RPGRIP1: variants seen among roughly 807,000 people sequenced by gnomAD.
RPGRIP1 encodes the protein X-linked retinitis pigmentosa GTPase regulator-interacting protein 1.
A neutral mutation model predicts 157.9 loss-of-function variants in RPGRIP1; 128 were observed. That is an observed-to-expected ratio of 0.81 (90% CI 0.70 to 0.94). The LOEUF is 0.94. Among genes scored for constraint, RPGRIP1 ranks in the 40% least tolerant of loss-of-function variants. The probability of loss-of-function intolerance (pLI) is 0.00; values close to 1 mark genes in which losing one functional copy is unlikely to be tolerated. For synonymous variants in RPGRIP1, 554 were observed against 571.6 expected (o/e 0.97, Z 0.44); for missense variants, 1,486 against 1,545.8 (o/e 0.96, Z 0.65).
chr14:21,288,382 T>C (rs1183475842), intron 2 of RPGRIP1, among the ~76,000 whole-genome samples: 1 of 152,074 alleles, frequency 6.6e-6, no homozygotes, highest in Non-Finnish European at 1.5e-5. Context: ...GTTTTCACCA[T>C]GATGGCCAGG....
At chr14:21,306,777 T>C (rs563787220) in intron 6 of RPGRIP1, among the ~76,000 whole-genome samples, 2 of 149,726 alleles carry the variant, frequency 1.3e-5, no homozygotes, top group Non-Finnish European at 3.0e-5. Context: ...TTATTATTAT[T>C]ATTATCATTA....
chr14:21,305,038 G>A (rs1198284654), intron 6 of RPGRIP1, among the ~76,000 whole-genome samples: 1 of 152,138 alleles, frequency 6.6e-6, no homozygotes, highest in Non-Finnish European at 1.5e-5. Context: ...TCCTGACCTC[G>A]TAATCCGCCT....
rs764678956 is a variant in RPGRIP1, at chr14:21,307,733, C to A, written c.803C>A (p.Ala268Asp). The A allele has an allele frequency of 1.0e-5, 16 of 1,549,414 alleles. No homozygotes were observed. Among genetic ancestry groups the A allele is most frequent in the Non-Finnish European group, 1.4e-5 (16 of 1,141,506 alleles). The change falls in exon 7 of 25, where the codon GCT (alanine) becomes GAT (aspartate). Residue 268 changes from alanine to aspartate, a missense_variant and splice_region_variant. Ala to Asp is a moderately radical substitution (Grantham distance 126). Coordinates refer to ENST00000400017, the MANE Select transcript of RPGRIP1 (RefSeq NM_020366.4). ...ECAQKAAELR[A>D]SIKEKVELIR... ...TAATTTAGCGCCTTTCTCTGCAGAG[C>A]TTCCATTAAAGAGAAGGTAGAGCTG...
chr14:21,349,921 T>A (rs1019410144), intron 24 of RPGRIP1, among the ~76,000 whole-genome samples: 2 of 152,228 alleles, frequency 1.3e-5, no homozygotes, highest in Non-Finnish European at 2.9e-5. Context: ...ATAGCTGGGA[T>A]GTCACCTATC....
At chr14:21,329,875 TG>T (rs1325906938) in intron 19 of RPGRIP1, among the ~76,000 whole-genome samples, 1 of 151,020 alleles carries the variant, frequency 6.6e-6, no homozygotes, top group Non-Finnish European at 1.5e-5. Flanking sequence ...CCTAGCACTT[TG>T]GGAGGCTGAG....
intron 1 of RPGRIP1, among the ~76,000 whole-genome samples, chr14:21,282,802 G>T (rs1360940499): frequency 6.6e-6 from 1 of 151,594 alleles, no homozygotes; most frequent in Non-Finnish European, 1.5e-5. Flanking sequence ...AGTAGAGATG[G>T]AGTTTCACCA....
chr14:21,284,560 T>TG (rs10678419), intron 1 of RPGRIP1, among the ~76,000 whole-genome samples: 1 of 150,820 alleles, frequency 6.6e-6, no homozygotes, highest in Non-Finnish European at 1.5e-5. Context: ...TTTTTTTTTT[T>TG]GAAGATGGAA....
At chr14:21,291,173 C>A (rs1880513163) in intron 2 of RPGRIP1, among the ~76,000 whole-genome samples, 1 of 151,984 alleles carries the variant, frequency 6.6e-6, no homozygotes, top group Non-Finnish European at 1.5e-5. Context: ...GCCAGTTTTG[C>A]CAATTTTTAA....
intron 21 of RPGRIP1, among the ~76,000 whole-genome samples, chr14:21,335,046 C>CAAAAAAAAAAAAAA (rs869065591): frequency 3.6e-5 from 1 of 28,062 alleles, no homozygotes. Context: ...AACTCTGTCT[C>CAAAAAAAAAAAAAA]AAAAAAAAAA....
At chr14:21,304,128 C>T (rs762428976) in intron 6 of RPGRIP1, among the ~76,000 whole-genome samples, 1 of 151,446 alleles carries the variant, frequency 6.6e-6, no homozygotes, top group Non-Finnish European at 1.5e-5. Flanking sequence ...GCCTGGCCAA[C>T]GTGGTGAAAC....
chr14:21,339,902 A>G (rs1370291261), intron 21 of RPGRIP1, among the ~76,000 whole-genome samples: 2 of 152,222 alleles, frequency 1.3e-5, no homozygotes, highest in Non-Finnish European at 2.9e-5. Flanking sequence ...TATGTACATC[A>G]GTGAGCAAAT....
Position 21,310,602 on chromosome 14 carries a change from C to A in RPGRIP1, c.925C>A (p.Gln309Lys). The A allele has an allele frequency of 1.4e-6, 2 of 1,459,326 alleles. No homozygotes were observed. The highest frequency in any genetic ancestry group is 2.3e-5 in the Admixed American group (1 of 42,634). The allele number at this position is 1,459,326 out of a possible 1,614,324, so 90.4% of individuals were successfully genotyped here. The part of the protein sequence containing the change: ...EVQEAYETLL[Q>K]KNQGILSAAH... ...CTTCCAGGCATACGAAACCTTGCTC[C>A]AGAAGGTACTTAATGAGAATTGAGT... The change falls in exon 8 of 25, where the codon CAG (glutamine) becomes AAG (lysine). Residue 309 changes from glutamine to lysine, a missense_variant. Gln to Lys is a moderately conservative substitution (Grantham distance 53, BLOSUM62 1). Coordinates refer to ENST00000400017, the MANE Select transcript of RPGRIP1 (RefSeq NM_020366.4).
chr14:21,316,405 C>T (rs1197606024), intron 10 of RPGRIP1, among the ~76,000 whole-genome samples: 1 of 152,062 alleles, frequency 6.6e-6, no homozygotes, highest in Admixed American at 6.6e-5. Context: ...AACCATCCAG[C>T]CTGGCCGGTA....
chr14:21,312,405 T>C, intron 9 of RPGRIP1, 28 bp from the exon 10 acceptor site: 1 of 1,539,496 alleles, frequency 6.5e-7, no homozygotes, highest in Non-Finnish European at 8.9e-7. Flanking sequence ...TTTTAACATT[T>C]TATCTCAAGG....
At chr14:21,285,230 C>G (rs1339380629) in intron 1 of RPGRIP1, among the ~76,000 whole-genome samples, 3 of 151,854 alleles carry the variant, frequency 2.0e-5, no homozygotes, top group African/African-American at 7.3e-5. Context: ...CTCAGTTCAG[C>G]TACCAAAGTC....
chr14:21,324,554 C>A, intron 14 of RPGRIP1, 64 bp from the exon 15 acceptor site: 1 of 1,336,238 alleles, frequency 7.5e-7, no homozygotes, highest in South Asian at 1.2e-5. Flanking sequence ...TTTGTCCACC[C>A]TCCTCTACCC....
At chr14:21,312,716 T>G (rs1477112758) in intron 10 of RPGRIP1, among the ~76,000 whole-genome samples, 1 of 151,072 alleles carries the variant, frequency 6.6e-6, no homozygotes, top group Non-Finnish European at 1.5e-5. Context: ...TGAGATGGAG[T>G]CTCGCTCTGC....
At chr14:21,350,881 C>T (rs939326543) in intron 24 of RPGRIP1, among the ~76,000 whole-genome samples, 1 of 152,132 alleles carries the variant, frequency 6.6e-6, no homozygotes, top group Admixed American at 6.6e-5. Context: ...TCCAATTTGT[C>T]CATTCTGGTG....
At chr14:21,293,560 T>C (rs1354397995) in intron 2 of RPGRIP1, among the ~76,000 whole-genome samples, 3 of 151,580 alleles carry the variant, frequency 2.0e-5, no homozygotes, top group Non-Finnish European at 4.4e-5. Context: ...CTGGCCAACA[T>C]GGTGAAACCC....
Sources: gnomAD v4.1 joint callset for allele counts (sites outside exome capture counted in the v4.1 genomes callset) on GRCh38, gnomAD v4.1.1 for gene constraint, MANE v1.5 for transcripts, NCBI Gene and HGNC (gene_info 2026-07-23, HGNC 2026-07-21) for gene names.